The following CCDC157 variants were observed in gnomAD, a reference collection of about 807,000 sequenced individuals.
CCDC157 encodes coiled-coil domain containing 157.
Under a neutral mutation model 70.9 loss-of-function variants are expected in CCDC157, and 60 were observed. The observed-to-expected ratio is 0.85, with a 90% confidence interval of 0.69 to 1.05. CCDC157 has a LOEUF of 1.05. CCDC157 is among the 50% of genes least tolerant of loss of function. The pLI is 0.00. For synonymous variants in CCDC157, 373 were observed against 422.4 expected (o/e 0.88, Z 1.43); for missense variants, 943 against 984.2 (o/e 0.96, Z 0.56).
Position 30,370,484 on chromosome 22 carries a change from A to T in CCDC157, c.579A>T (p.Arg193Ser), listed in dbSNP as rs1180702074. ...AAGAGCCAGAGAGCATCCCTGTCAGAGCCTCCCTGCAGTTCCCAGCCACGA... is the reference window on the plus strand; with the variant it reads ...AAGAGCCAGAGAGCATCCCTGTCAGTGCCTCCCTGCAGTTCCCAGCCACGA... ...TCQEPESIPV[R>S]ASLQFPATTF... The change falls in exon 5 of 12, where the codon AGA becomes AGT. Residue 193 changes from arginine to serine, a missense_variant. By Grantham distance (110) the Arg-to-Ser change is moderately radical. Coordinates refer to ENST00000338306, the MANE Select transcript of CCDC157 (RefSeq NM_001017437.5). 1.9e-6 allele frequency: 3 copies of T among 1,614,048 alleles called. No individual in the cohort carries two copies. In the Admixed American group the frequency reaches 5.0e-5, roughly 27 times the overall value.
chr22:30,378,212 C>T lies in CCDC157; in HGVS notation c.*1467C>T, dbSNP rs1166597155. ...CATGCTTCAAATCCCTGACTTCCTC[C>T]TCTTCTACCAGCAGAAAACTACTTT... On this transcript the variant is annotated 3_prime_UTR_variant, in exon 12 of 12. Coordinates refer to ENST00000338306, the MANE Select transcript of CCDC157 (RefSeq NM_001017437.5). 4.3e-6 allele frequency: 2 copies of T among 469,380 alleles called. No individual in the cohort carries two copies. The highest frequency in any genetic ancestry group is 1.4e-4 in the East Asian group (2 of 14,372). The allele number at this position is 469,380 out of a possible 1,614,324, so 29.1% of individuals were successfully genotyped here.
At chr22:30,359,531 C>T (rs1184771902) in intron 1 of CCDC157, among the ~76,000 whole-genome samples, 1 of 152,214 alleles carries the variant, frequency 6.6e-6, no homozygotes, top group Non-Finnish European at 1.5e-5. Flanking sequence ...ACTCAGTCCT[C>T]ATTTGCTGAA....
rs371960017 is a variant in CCDC157, at chr22:30,376,526, C to T, written c.2040C>T (p.Ser680=). ...CTSPPRQPCT[S]PPRQPCTSPP... is the part of the protein sequence containing the mutation. The stretch of plus-strand genomic sequence containing the variant: ...CCCCACCTCGGCAGCCCTGCACATC[C>T]CCACCTCGGCAGCCCTGCACATCCC... Residue 680 remains serine (S), a synonymous_variant, in exon 12 of 12, where the codon TCC becomes TCT. Coordinates refer to ENST00000338306, the MANE Select transcript of CCDC157 (RefSeq NM_001017437.5). 1.2e-6 allele frequency: 2 copies of T among 1,613,044 alleles called. No homozygotes were observed. Among genetic ancestry groups the T allele is most frequent in the Non-Finnish European group, 1.7e-6 (2 of 1,179,818 alleles).
chr22:30,368,487 C>T (rs146524595), intron 3 of CCDC157, among the ~76,000 whole-genome samples: 2 of 152,382 alleles, frequency 1.3e-5, no homozygotes, highest in African/African-American at 4.8e-5. Flanking sequence ...GCACCACAGT[C>T]TCCCGCTGCG....
In CCDC157 at chr22:30,376,956, T is replaced by G. The variant is rs996826975; in HGVS notation, c.*211T>G. On this transcript the variant is annotated 3_prime_UTR_variant, in exon 12 of 12. Coordinates refer to ENST00000338306, the MANE Select transcript of CCDC157 (RefSeq NM_001017437.5). ...GAGTCCTGGCACTATGGGCCCTCAG[T>G]AAAAGGGGCCTTCCTGCTTCCCTCC... 8.3e-6 allele frequency: 5 copies of G among 600,198 alleles called. No homozygotes were observed. The highest frequency in any genetic ancestry group is 1.5e-5 in the Non-Finnish European group (5 of 339,208). The allele number at this position is 600,198 out of a possible 1,614,324, so 37.2% of individuals were successfully genotyped here.
rs769144873 is a variant in CCDC157 at position 30,370,744 on chromosome 22, G to C, written c.839G>C (p.Arg280Thr). The change falls in exon 5 of 12, where the codon AGG becomes ACG. Residue 280 changes from arginine (R) to threonine (T), a missense_variant. Coordinates refer to ENST00000338306, the MANE Select transcript of CCDC157 (RefSeq NM_001017437.5). The stretch of plus-strand genomic sequence containing the variant: ...GTGGGCCGCTGGGCAGCAGAGCAGA[G>C]GAAAGACCTGACGCGCCTCAGTAAG... ...ATVGRWAAEQ[R>T]KDLTRLSKHV... 1 of 1,613,576 alleles carries C rather than the reference G, an allele frequency of 6.2e-7. No homozygotes were observed. The highest frequency in any genetic ancestry group is 1.1e-5 in the South Asian group (1 of 91,058).
intron 4 of CCDC157, 68 bp downstream of exon 4, chr22:30,369,671 C>A: frequency 7.9e-7 from 1 of 1,261,738 alleles, no homozygotes; most frequent in Non-Finnish European, 1.0e-6. Flanking sequence ...GTGGCCTTCA[C>A]ACCTCGCCCC....
chr22:30,376,869 T>G lies in CCDC157; in HGVS notation c.*124T>G. 2.0e-6 allele frequency: 2 copies of G among 994,308 alleles called. No homozygotes were observed. Among genetic ancestry groups the G allele is most frequent in the Non-Finnish European group, 2.9e-6 (2 of 681,882 alleles). 61.6% of individuals were successfully genotyped at this position (994,308 alleles called of 1,614,324 possible). A position where few individuals can be genotyped will look rare whatever the true frequency, so the allele number is the denominator to read the frequency against. On this transcript the variant is annotated 3_prime_UTR_variant, in exon 12 of 12. Coordinates refer to ENST00000338306, the MANE Select transcript of CCDC157 (RefSeq NM_001017437.5). ...TATGACTGAGCCAAGGAAAGAACCC[T>G]TCCTTCCCTGTCCTGGGCAGGGGCC...
chr22:30,356,781 T>C (rs1299488900), upstream of CCDC157: 3 of 1,429,710 alleles, frequency 2.1e-6, no homozygotes, highest in Non-Finnish European at 2.8e-6. Context: ...CCTGCACGGG[T>C]CCGGCCGGCA....
intron 1 of CCDC157, among the ~76,000 whole-genome samples, chr22:30,360,263 G>A (rs1569181228): frequency 1.3e-5 from 2 of 152,186 alleles, no homozygotes; most frequent in Admixed American, 1.3e-4. Flanking sequence ...CAGCACTTTG[G>A]GAGGCTGAGG....
intron 5 of CCDC157, chr22:30,371,187 C>CT (rs1446403039): frequency 8.5e-6 from 5 of 586,162 alleles, no homozygotes; most frequent in Admixed American, 6.0e-5. Context: ...CTTGCCCAGA[C>CT]TCGTCCATCG....
chr22:30,370,333 C>T lies in CCDC157; in HGVS notation c.428C>T (p.Ala143Val), dbSNP rs1300509921. The T allele has an allele frequency of 6.2e-7, 1 of 1,613,482 alleles. No homozygotes were observed. The highest frequency in any genetic ancestry group is 1.3e-5 in the African/African-American group (1 of 75,008). ...GTCTTTTTCTGAACACAGAAAGGGG[C>T]AAACCAAAGGGAGACTCCCACCTCC... ...LHQQPLPQKG[A>V]NQRETPTSKP... The change falls in exon 5 of 12, where the codon GCA becomes GTA. Residue 143 changes from alanine (A) to valine (V), a missense_variant. Physicochemically the swap from Ala to Val is moderately conservative, Grantham distance 64. Transcript: ENST00000338306.
intron 5 of CCDC157, 99 bp downstream of exon 5, chr22:30,371,049 G>A (rs1402174840): frequency 1.1e-5 from 15 of 1,417,220 alleles, no homozygotes; most frequent in East Asian, 2.5e-5. Context: ...AGTGGTTTGT[G>A]TGGAAGAACC....
upstream of CCDC157, chr22:30,356,763 G>A: frequency 6.8e-7 from 1 of 1,481,020 alleles, no homozygotes; most frequent in Non-Finnish European, 9.0e-7. Context: ...GCGGCGGCGG[G>A]GGCACCGCCT....
rs745358913 is a variant in CCDC157, at chr22:30,370,350, C to T, written c.445C>T (p.Pro149Ser). The T allele has an allele frequency of 6.2e-7, 1 of 1,613,934 alleles. No homozygotes were observed. Among genetic ancestry groups the T allele is most frequent in the South Asian group, 1.1e-5 (1 of 91,080 alleles). Residue 149 changes from proline (P) to serine (S), a missense_variant, in exon 5 of 12, where the codon CCC (proline) becomes TCC (serine). Coordinates refer to ENST00000338306, the MANE Select transcript of CCDC157 (RefSeq NM_001017437.5). ...PQKGANQRETPTSKPTTKGEP... is the reference protein window; with the variant it reads ...PQKGANQRETSTSKPTTKGEP... ...GAAAGGGGCAAACCAAAGGGAGACT[C>T]CCACCTCCAAGCCCACCACCAAGGG...
In CCDC157 at chr22:30,375,531, C is replaced by T. The variant is rs1334750188; in HGVS notation, c.1725C>T (p.Gly575=). The T allele has an allele frequency of 1.2e-6, 2 of 1,614,210 alleles. No homozygotes were observed. Among genetic ancestry groups the T allele is most frequent in the East Asian group, 4.5e-5 (2 of 44,878 alleles). ...AGATAACATGTCCCACAGACTCTGG[C>T]AACGTCACAGATCACATGGAGAGGC... ...ESQITCPTDS[G]NVTDHMERQV... is the part of the protein sequence containing the mutation. Residue 575 remains glycine, a synonymous_variant, in exon 10 of 12, where the codon GGC becomes GGT. Transcript: ENST00000338306.
At chr22:30,361,260 A>AAG (rs1430624169) in intron 1 of CCDC157, among the ~76,000 whole-genome samples, 1 of 151,274 alleles carries the variant, frequency 6.6e-6, no homozygotes, top group Non-Finnish European at 1.5e-5. Context: ...AAAAAAAAAA[A>AAG]AAAAAGAAAA....
chr22:30,356,706 G>A, upstream of CCDC157: 1 of 1,473,844 alleles, frequency 6.8e-7, no homozygotes, highest in Non-Finnish European at 9.0e-7. Flanking sequence ...TCCGGCTGCA[G>A]GCTGAGGGGC....
intron 1 of CCDC157, among the ~76,000 whole-genome samples, chr22:30,359,628 T>G (rs947295492): frequency 2.0e-5 from 3 of 152,220 alleles, no homozygotes; most frequent in Admixed American, 6.5e-5. Flanking sequence ...TGGTTTCTGG[T>G]CCAAATGGCC....
Sources: gnomAD v4.1 joint callset for allele counts (sites outside exome capture counted in the v4.1 genomes callset) on GRCh38, gnomAD v4.1.1 for gene constraint, MANE v1.5 for transcripts, NCBI Gene and HGNC (gene_info 2026-07-23, HGNC 2026-07-21) for gene names.